Variants in RANBP2 observed in about 807,000 individuals in gnomAD.
The protein encoded by RANBP2 is E3 SUMO-protein ligase RanBP2.
RANBP2 carries 57 observed loss-of-function variants against 303.6 expected under a neutral mutation model. That is an observed-to-expected ratio of 0.19 (90% CI 0.15 to 0.23). The LOEUF (loss-of-function observed/expected upper bound fraction) is 0.23. RANBP2 is among the 10% of genes least tolerant of loss of function. The pLI, the probability that RANBP2 is intolerant of heterozygous loss-of-function variation, is 1.00. For missense variants in RANBP2, 3,138 were observed against 3,780.8 expected, an observed-to-expected ratio of 0.83 and a Z score of 4.46; for synonymous variants, 1,167 against 1,301.5, an observed-to-expected ratio of 0.90 and a Z score of 2.23.
At chr2:109,697,858 GTTTT>G in the RANBP2 span, among the ~76,000 whole-genome samples, 12 of 127,648 alleles carry the variant, frequency 9.4e-5, no homozygotes, top group African/African-American at 3.7e-4. Flanking sequence ...TTAGTCTAAA[GTTTT>G]TTTTTTTTTT....
the RANBP2 span, among the ~76,000 whole-genome samples, chr2:109,374,764 TGGC>T: frequency 6.6e-6 from 1 of 152,236 alleles, no homozygotes; most frequent in South Asian, 2.1e-4. Context: ...TGCAGGCACC[TGGC>T]AGGGTTCTAC....
chr2:108,787,281 G>A (rs1679017810), downstream of RANBP2, among the ~76,000 whole-genome samples: 1 of 152,214 alleles, frequency 6.6e-6, no homozygotes, highest in South Asian at 2.1e-4. Context: ...AGTTGCTGCA[G>A]TATTACCAAG....
At chr2:108,880,232 A>T in the RANBP2 span, among the ~76,000 whole-genome samples, 6 of 152,020 alleles carry the variant, frequency 3.9e-5, no homozygotes, top group Non-Finnish European at 8.8e-5. Context: ...AACAAAAAAA[A>T]AAACGAGAGA....
At chr2:109,329,869 A>G in the RANBP2 span, among the ~76,000 whole-genome samples, 3 of 152,192 alleles carry the variant, frequency 2.0e-5, no homozygotes, top group Non-Finnish European at 4.4e-5. Context: ...TAAAAGTTAT[A>G]TGAATGTGAA....
chr2:109,570,412 T>C, the RANBP2 span, among the ~76,000 whole-genome samples: 3 of 152,058 alleles, frequency 2.0e-5, no homozygotes, highest in African/African-American at 7.2e-5. Flanking sequence ...TTCAACCAAC[T>C]GAGGATCAAA....
the RANBP2 span, among the ~76,000 whole-genome samples, chr2:109,209,261 A>G: frequency 1.3e-5 from 2 of 152,172 alleles, no homozygotes; most frequent in African/African-American, 2.4e-5. Context: ...AGGTCATCAC[A>G]TTCAGAGATT....
the RANBP2 span, among the ~76,000 whole-genome samples, chr2:109,353,103 G>T: frequency 1.3e-5 from 2 of 152,226 alleles, no homozygotes; most frequent in Non-Finnish European, 2.9e-5. Flanking sequence ...AGAGTCCTCA[G>T]TGGCTCTCCA....
the RANBP2 span, chr2:109,347,853 C>A: frequency 6.2e-7 from 1 of 1,613,772 alleles, no homozygotes; most frequent in Non-Finnish European, 8.5e-7. Context: ...TCCAGTGCAT[C>A]CAGCCCTTGC....
At chr2:109,698,857 C>T in the RANBP2 span, among the ~76,000 whole-genome samples, 10 of 152,014 alleles carry the variant, frequency 6.6e-5, no homozygotes, top group South Asian at 8.3e-4. Context: ...CTCTTGAACC[C>T]GGGAGGCAGA....
the RANBP2 span, among the ~76,000 whole-genome samples, chr2:109,655,248 A>G: frequency 6.6e-6 from 1 of 152,122 alleles, no homozygotes; most frequent in Non-Finnish European, 1.5e-5. Context: ...CCAGGTGGCC[A>G]TGAACTATGT....
At chr2:108,993,920 C>T in the RANBP2 span, among the ~76,000 whole-genome samples, 8 of 152,290 alleles carry the variant, frequency 5.3e-5, no homozygotes, top group South Asian at 1.7e-3. Flanking sequence ...GACCCAGTGT[C>T]TGGTCATCTC....
chr2:109,273,036 A>G, the RANBP2 span, among the ~76,000 whole-genome samples: 5 of 152,220 alleles, frequency 3.3e-5, no homozygotes, highest in Non-Finnish European at 5.9e-5. Context: ...TTTTAATTTT[A>G]CCAGTGGGAG....
At chr2:109,338,433 T>C in the RANBP2 span, among the ~76,000 whole-genome samples, 1 of 142,316 alleles carries the variant, frequency 7.0e-6, no homozygotes, top group Non-Finnish European at 1.5e-5. Context: ...TTAGGGAAAC[T>C]TTTTTTTTTT....
chr2:108,910,673 C>A, the RANBP2 span: 1 of 1,456,160 alleles, frequency 6.9e-7, no homozygotes, highest in South Asian at 1.2e-5. Flanking sequence ...CAGTATGGTT[C>A]AGCATGTGAG....
At chr2:109,593,142 TA>T in the RANBP2 span, 2 of 1,547,294 alleles carry the variant, frequency 1.3e-6, no homozygotes, top group Admixed American at 1.9e-5. Context: ...TACAAAGGCT[TA>T]AAAGGAAACA....
At chr2:108,858,817 A>G in the RANBP2 span, among the ~76,000 whole-genome samples, 1 of 152,098 alleles carries the variant, frequency 6.6e-6, no homozygotes. Flanking sequence ...AATGGCATCC[A>G]GCTGCATCCA....
chr2:109,618,729 A>C, the RANBP2 span: 2 of 167,044 alleles, frequency 1.2e-5, no homozygotes, highest in Non-Finnish European at 2.9e-5. Flanking sequence ...TTGATATGAG[A>C]CTATGTGGTT....
At chr2:108,959,809 A>T in the RANBP2 span, among the ~76,000 whole-genome samples, 6 of 152,236 alleles carry the variant, frequency 3.9e-5, no homozygotes, top group African/African-American at 1.4e-4. Context: ...CTTCTGAGAC[A>T]CCAGCTTTTC....
intron 17 of RANBP2, among the ~76,000 whole-genome samples, chr2:108,756,355 C>A (rs1469593591): frequency 6.6e-6 from 1 of 152,094 alleles, no homozygotes; most frequent in Non-Finnish European, 1.5e-5. Context: ...CTTATTTTAA[C>A]AATAGGGTTC....
Sources: allele counts gnomAD v4.1 joint callset (sites outside exome capture counted in the v4.1 genomes callset), GRCh38; gene constraint gnomAD v4.1.1; transcripts MANE v1.5; gene names NCBI Gene and HGNC (gene_info 2026-07-23, HGNC 2026-07-21).